Variants in DPP10 observed in about 807,000 individuals in gnomAD.
DPP10 encodes the protein dipeptidyl peptidase like 10.
In DPP10, 33 loss-of-function variants were observed where a neutral mutation model predicts 120.9. That is an observed-to-expected ratio of 0.27 (90% confidence interval 0.21 to 0.37). The LOEUF is 0.37. DPP10 is among the 10% of genes least tolerant of loss of function. The probability of loss-of-function intolerance (pLI) is 1.00; values close to 1 mark genes in which losing one functional copy is unlikely to be tolerated. For synonymous variants in DPP10, 337 were observed against 326.1 expected, an observed-to-expected ratio of 1.03 and a Z score of -0.36; for missense variants, 816 against 942.8, an observed-to-expected ratio of 0.87 and a Z score of 1.76.
chr2:115,409,587 A>G (rs924755868), intron 3 of DPP10, among the ~76,000 whole-genome samples: 2 of 152,222 alleles, frequency 1.3e-5, no homozygotes, highest in African/African-American at 4.8e-5. Context: ...TATAACCACT[A>G]CGGAAAACAG....
At chr2:114,671,213 G>A (rs1455459516) in intron 1 of DPP10, among the ~76,000 whole-genome samples, 1 of 152,150 alleles carries the variant, frequency 6.6e-6, no homozygotes, top group Non-Finnish European at 1.5e-5. Context: ...AAAGACTAAA[G>A]ACTTAGGAGG....
intron 1 of DPP10, among the ~76,000 whole-genome samples, chr2:114,585,638 G>C (rs1690909672): frequency 6.6e-6 from 1 of 152,198 alleles, no homozygotes; most frequent in Admixed American, 6.5e-5. Context: ...CGAGCTGGCA[G>C]ACACCCAGAT....
At chr2:114,683,764 A>G (rs1323547731) in intron 1 of DPP10, among the ~76,000 whole-genome samples, 1 of 151,530 alleles carries the variant, frequency 6.6e-6, no homozygotes, top group East Asian at 2.0e-4. Context: ...CCCGTCTTGG[A>G]TTTTCTTTCC....
At chr2:115,533,527 A>G (rs1315158904) in intron 5 of DPP10, among the ~76,000 whole-genome samples, 1 of 152,062 alleles carries the variant, frequency 6.6e-6, no homozygotes, top group Middle Eastern at 3.2e-3. Context: ...TGCATGCACT[A>G]CTGCTTTAAG....
intron 5 of DPP10, among the ~76,000 whole-genome samples, chr2:115,558,606 G>A (rs779709122): frequency 1.3e-5 from 2 of 152,060 alleles, no homozygotes; most frequent in African/African-American, 4.8e-5. Flanking sequence ...CTTCCTAAGC[G>A]ATGTAGAACA....
chr2:115,490,793 C>A (rs2076068273), intron 3 of DPP10, among the ~76,000 whole-genome samples: 1 of 152,128 alleles, frequency 6.6e-6, no homozygotes, highest in Non-Finnish European at 1.5e-5. Flanking sequence ...AATATTCTGA[C>A]ACTAAAACAC....
chr2:114,825,361 A>C (rs550207244), intron 1 of DPP10, among the ~76,000 whole-genome samples: 69 of 152,336 alleles, frequency 4.5e-4, no homozygotes, highest in Non-Finnish European at 8.4e-4. Flanking sequence ...TTTGCCTTTG[A>C]GAGGAATTGT....
chr2:115,244,981 TATCCCTCAG>T (rs1463693518), intron 1 of DPP10, among the ~76,000 whole-genome samples: 1 of 152,006 alleles, frequency 6.6e-6, no homozygotes, highest in African/African-American at 2.4e-5. Context: ...TATAGCCTTT[TATCCCTCAG>T]CTCCCTCAGC....
chr2:114,625,621 G>A (rs1694452791), intron 1 of DPP10, among the ~76,000 whole-genome samples: 1 of 151,820 alleles, frequency 6.6e-6, no homozygotes. Context: ...ATCGTATGTT[G>A]ATACCTCAAT....
chr2:115,103,468 G>A (rs183032464), intron 1 of DPP10, among the ~76,000 whole-genome samples: 96 of 152,224 alleles, frequency 6.3e-4, no homozygotes, highest in Non-Finnish European at 1.2e-3. Context: ...GATTACAGGC[G>A]TGGGCAACCA....
At chr2:114,784,615 T>C (rs1290790753) in intron 1 of DPP10, among the ~76,000 whole-genome samples, 1 of 152,100 alleles carries the variant, frequency 6.6e-6, no homozygotes, top group Non-Finnish European at 1.5e-5. Context: ...CTGAAATTGG[T>C]CAAGTCTTTT....
chr2:114,822,170 GT>G (rs907884275), intron 1 of DPP10, among the ~76,000 whole-genome samples: 27 of 152,176 alleles, frequency 1.8e-4, no homozygotes, highest in Non-Finnish European at 4.4e-5. Context: ...ACATCCAGAT[GT>G]TTTTTTACAT....
At chr2:114,755,173 A>G (rs1400865371) in intron 1 of DPP10, among the ~76,000 whole-genome samples, 3 of 152,232 alleles carry the variant, frequency 2.0e-5, no homozygotes, top group Non-Finnish European at 4.4e-5. Flanking sequence ...AGGACCAGGA[A>G]GTGAATCTAT....
intron 1 of DPP10, among the ~76,000 whole-genome samples, chr2:115,307,097 A>C (rs1212485075): frequency 6.6e-6 from 1 of 152,090 alleles, no homozygotes; most frequent in African/African-American, 2.4e-5. Flanking sequence ...AATCTCTTCA[A>C]ATCCCGTTTT....
chr2:115,725,836 T>C (rs993735273), intron 7 of DPP10, among the ~76,000 whole-genome samples: 1 of 152,184 alleles, frequency 6.6e-6, no homozygotes, highest in South Asian at 2.1e-4. Context: ...GCACCTGTGT[T>C]GTATACTGTT....
At chr2:115,364,100 G>C (rs560537224) in intron 3 of DPP10, among the ~76,000 whole-genome samples, 1 of 151,992 alleles carries the variant, frequency 6.6e-6, no homozygotes, top group African/African-American at 2.4e-5. Flanking sequence ...ATTATCCTAG[G>C]TGGCGTCTAG....
At chr2:115,794,301 G>T (rs1403922203) in intron 19 of DPP10, among the ~76,000 whole-genome samples, 2 of 152,162 alleles carry the variant, frequency 1.3e-5, no homozygotes, top group African/African-American at 4.8e-5. Flanking sequence ...TTAGCGTCAG[G>T]CTGCAGCAAG....
At chr2:114,551,588 T>A (rs1021733395) in intron 1 of DPP10, among the ~76,000 whole-genome samples, 2 of 152,186 alleles carry the variant, frequency 1.3e-5, no homozygotes, top group African/African-American at 4.8e-5. Flanking sequence ...TTCTGAGTGA[T>A]GAACACTGTT....
intron 1 of DPP10, among the ~76,000 whole-genome samples, chr2:115,278,273 A>G (rs1294998434): frequency 6.6e-6 from 1 of 152,166 alleles, no homozygotes; most frequent in Non-Finnish European, 1.5e-5. Context: ...ACACAAACTT[A>G]CAGTCTACTC....
Sources: gnomAD v4.1 joint callset for allele counts (sites outside exome capture counted in the v4.1 genomes callset) on GRCh38, gnomAD v4.1.1 for gene constraint, MANE v1.5 for transcripts, NCBI Gene and HGNC (gene_info 2026-07-23, HGNC 2026-07-21) for gene names.